Variants in CDH12 observed in about 807,000 individuals in gnomAD.
CDH12 encodes the protein cadherin-12.
Under a neutral mutation model 74.1 loss-of-function variants are expected in CDH12, and 41 were observed. The ratio of observed to expected loss-of-function variants is 0.55; its 90% CI spans 0.43 to 0.72. The LOEUF (loss-of-function observed/expected upper bound fraction) is 0.72, where lower values mean the gene tolerates loss of function less well. CDH12 is among the 30% of genes least tolerant of loss of function. CDH12 has a pLI of 0.00. For missense variants in CDH12, 945 were observed against 977.2 expected (o/e 0.97, Z 0.44); for synonymous variants, 399 against 355.0 (o/e 1.12, Z -1.39).
At chr5:22,684,523 T>G (rs905117970) in intron 1 of CDH12, among the ~76,000 whole-genome samples, 1 of 152,194 alleles carries the variant, frequency 6.6e-6, no homozygotes, top group South Asian at 2.1e-4. Context: ...AAGTGAGAAC[T>G]GCGTATGCCA....
chr5:22,173,986 A>T (rs1749194663), intron 4 of CDH12, among the ~76,000 whole-genome samples: 2 of 151,968 alleles, frequency 1.3e-5, no homozygotes, highest in African/African-American at 4.8e-5. Context: ...TCATAGAATT[A>T]CTAGTATTCT....
At chr5:22,628,192 C>T (rs182828560) in intron 1 of CDH12, among the ~76,000 whole-genome samples, 5 of 152,042 alleles carry the variant, frequency 3.3e-5, no homozygotes, top group East Asian at 3.9e-4. Flanking sequence ...ATTAGATCAA[C>T]CATCAAGGCA....
intron 10 of CDH12, among the ~76,000 whole-genome samples, chr5:21,789,633 C>G (rs948026799): frequency 6.6e-6 from 1 of 152,074 alleles, no homozygotes; most frequent in African/African-American, 2.4e-5. Context: ...AAATCCCATA[C>G]TCTTTTCTTG....
At chr5:22,700,220 C>T (rs1742641965) in intron 1 of CDH12, among the ~76,000 whole-genome samples, 1 of 152,074 alleles carries the variant, frequency 6.6e-6, no homozygotes, top group Admixed American at 6.6e-5. Context: ...CAAATTAAAA[C>T]TCTCCAAGAG....
intron 8 of CDH12, among the ~76,000 whole-genome samples, chr5:21,821,420 A>G (rs1214904426): frequency 6.6e-6 from 1 of 151,914 alleles, no homozygotes; most frequent in East Asian, 1.9e-4. Flanking sequence ...AAATACCACA[A>G]CATTCAATGA....
intron 3 of CDH12, among the ~76,000 whole-genome samples, chr5:22,223,937 T>C (rs1430656505): frequency 6.6e-6 from 1 of 151,978 alleles, no homozygotes; most frequent in African/African-American, 2.4e-5. Context: ...TCAGAAAATG[T>C]ATCACTGTCA....
intron 3 of CDH12, among the ~76,000 whole-genome samples, chr5:22,246,412 T>TTTA (rs1752946500): frequency 6.6e-6 from 1 of 152,138 alleles, no homozygotes; most frequent in Non-Finnish European, 1.5e-5. Flanking sequence ...ACCAAAAATT[T>TTTA]CTTAGAAACT....
intron 7 of CDH12, among the ~76,000 whole-genome samples, chr5:21,851,035 A>T (rs1041064140): frequency 6.6e-6 from 1 of 151,326 alleles, no homozygotes; most frequent in Non-Finnish European, 1.5e-5. Context: ...TGTCAATTTT[A>T]TATTGTGTAT....
chr5:21,917,386 A>G (rs561271966), intron 6 of CDH12, among the ~76,000 whole-genome samples: 2 of 152,316 alleles, frequency 1.3e-5, no homozygotes, highest in African/African-American at 4.8e-5. Flanking sequence ...AAGTTACTAC[A>G]GTTTTATTTG....
intron 4 of CDH12, among the ~76,000 whole-genome samples, chr5:22,091,134 T>C (rs1385887725): frequency 6.6e-6 from 1 of 150,944 alleles, no homozygotes; most frequent in Non-Finnish European, 1.5e-5. Flanking sequence ...TAGAAAAAAA[T>C]TTGTCTCAAC....
At chr5:22,800,312 T>G (rs879698794) in intron 1 of CDH12, among the ~76,000 whole-genome samples, 2 of 152,164 alleles carry the variant, frequency 1.3e-5, no homozygotes, top group Non-Finnish European at 2.9e-5. Flanking sequence ...TAAAGGAGTT[T>G]TTTTCTTACT....
At chr5:22,817,785 A>G (rs1456503484) in intron 1 of CDH12, among the ~76,000 whole-genome samples, 1 of 152,188 alleles carries the variant, frequency 6.6e-6, no homozygotes, top group Non-Finnish European at 1.5e-5. Flanking sequence ...GCCTTTAAGA[A>G]TCCCCAATGC....
chr5:21,880,683 CT>C (rs1314070339), intron 6 of CDH12, among the ~76,000 whole-genome samples: 12 of 107,776 alleles, frequency 1.1e-4, no homozygotes, highest in African/African-American at 3.6e-4. Context: ...TTCTTTCTTT[CT>C]TTCTTTCTCT....
At chr5:22,466,940 C>T (rs1433838602) in intron 2 of CDH12, among the ~76,000 whole-genome samples, 2 of 151,722 alleles carry the variant, frequency 1.3e-5, no homozygotes, top group South Asian at 4.2e-4. Context: ...AGGCACGTGC[C>T]GCCAAGGCCT....
intron 5 of CDH12, among the ~76,000 whole-genome samples, chr5:22,062,995 T>C (rs1007804411): frequency 1.3e-5 from 2 of 152,274 alleles, no homozygotes; most frequent in East Asian, 1.9e-4. Flanking sequence ...GAATGAACAA[T>C]TGAACATATA....
chr5:22,436,747 C>G (rs942359021), intron 2 of CDH12, among the ~76,000 whole-genome samples: 4 of 151,992 alleles, frequency 2.6e-5, no homozygotes, highest in African/African-American at 9.7e-5. Flanking sequence ...TGTTGTTGTT[C>G]TAGCAAAATA....
At chr5:22,361,002 T>A (rs1740779154) in intron 3 of CDH12, among the ~76,000 whole-genome samples, 1 of 152,024 alleles carries the variant, frequency 6.6e-6, no homozygotes, top group Non-Finnish European at 1.5e-5. Flanking sequence ...CTGGAAGCAT[T>A]CCTTTAAAAA....
intron 1 of CDH12, among the ~76,000 whole-genome samples, chr5:22,851,994 A>C (rs190941596): frequency 1.3e-5 from 2 of 152,264 alleles, no homozygotes; most frequent in African/African-American, 4.8e-5. Flanking sequence ...CCTGCTTGGC[A>C]TGGTTGCATT....
intron 1 of CDH12, among the ~76,000 whole-genome samples, chr5:22,674,715 G>A (rs1741077610): frequency 1.3e-5 from 2 of 152,208 alleles, no homozygotes; most frequent in African/African-American, 4.8e-5. Flanking sequence ...AGAGTTCCAG[G>A]CTGAGGTGGT....
Sources: allele counts gnomAD v4.1 joint callset (sites outside exome capture counted in the v4.1 genomes callset), GRCh38; gene constraint gnomAD v4.1.1; transcripts MANE v1.5; gene names NCBI Gene and HGNC (gene_info 2026-07-23, HGNC 2026-07-21).